The following ACTN4 variants were observed in gnomAD, a reference collection of about 807,000 sequenced individuals.
The protein encoded by ACTN4 is alpha-actinin-4.
In ACTN4, 18 loss-of-function variants were observed where a neutral mutation model predicts 114.2. That is an observed-to-expected ratio of 0.16 (90% CI 0.11 to 0.23). ACTN4 has a LOEUF of 0.23. ACTN4 is among the 10% of genes least tolerant of loss of function. ACTN4 has a pLI of 1.00. For missense variants in ACTN4, 722 were observed against 1,262.9 expected (o/e 0.57, Z 6.49); for synonymous variants, 515 against 506.3 (o/e 1.02, Z -0.23).
chr19:38,706,232 GC>G, intron 5 of ACTN4, 101 bp downstream of exon 5: 1 of 1,267,610 alleles, frequency 7.9e-7, no homozygotes, highest in African/African-American at 1.5e-5. Context: ...TCTGTGAGAT[GC>G]CAGCCCTCAG....
intron 17 of ACTN4, 81 bp from the exon 18 acceptor site, chr19:38,726,876 G>A: frequency 6.3e-7 from 1 of 1,594,398 alleles, no homozygotes. Flanking sequence ...CGGGAGGACA[G>A]TTCACAGTCC....
intron 1 of ACTN4, among the ~76,000 whole-genome samples, chr19:38,670,805 C>T (rs898374301): frequency 6.6e-6 from 1 of 151,926 alleles, no homozygotes; most frequent in Non-Finnish European, 1.5e-5. Context: ...TGCTTGTAAT[C>T]CCAGCTACTC....
Position 38,730,855 on chromosome 19 carries a change from G to C in ACTN4, c.*1423G>C. 6.4e-7 allele frequency: 1 copy of C among 1,551,188 alleles called. No homozygotes were observed. Among genetic ancestry groups the C allele is most frequent in the Non-Finnish European group, 8.7e-7 (1 of 1,147,318 alleles). On this transcript the variant is annotated 3_prime_UTR_variant, in exon 21 of 21. Transcript: ENST00000252699. ...CAGGTGCGCCCATCCGGAGATCCTA[G>C]GAGAAGGTGGCCACCTCCATCCACT...
At chr19:38,650,072 G>C (rs553922994) in intron 1 of ACTN4, among the ~76,000 whole-genome samples, 1 of 152,304 alleles carries the variant, frequency 6.6e-6, no homozygotes, top group East Asian at 1.9e-4. Context: ...AGGTTGCCAA[G>C]AGACCTGGAA....
At chr19:38,696,604 A>G (rs988935008) in intron 1 of ACTN4, among the ~76,000 whole-genome samples, 2 of 152,232 alleles carry the variant, frequency 1.3e-5, no homozygotes, top group African/African-American at 4.8e-5. Flanking sequence ...AGTGGCCGTC[A>G]TGGTCGACCT....
At chr19:38,714,060 C>T (rs1193710459) in intron 8 of ACTN4, among the ~76,000 whole-genome samples, 2 of 152,212 alleles carry the variant, frequency 1.3e-5, no homozygotes, top group Admixed American at 1.3e-4. Context: ...ACCCGGGCGC[C>T]CCTGCTCTGT....
Position 38,705,801 on chromosome 19 carries a change from C to T in ACTN4, c.485-243C>T, listed in dbSNP as rs150373959. On this transcript the variant is annotated intron_variant, in intron 4 of 20. Transcript: ENST00000252699. Reference sequence around the variant, plus strand: ...GGGGCAGCCCTGGTCAAGCGACTCTCCTCGGGGCCGTGAGGATTAAGCAGG... The same window carrying T: ...GGGGCAGCCCTGGTCAAGCGACTCTTCTCGGGGCCGTGAGGATTAAGCAGG... 4.1e-3 allele frequency among the ~76,000 whole-genome samples: 618 copies of T among 152,316 alleles called. 8 individuals are homozygous for T. The East Asian group carries it at 0.058, about 14-fold the overall frequency.
Position 38,727,828 on chromosome 19 carries a change from C to T in ACTN4, c.2338-118C>T, listed in dbSNP as rs560479699. 1.2e-5 allele frequency: 11 copies of T among 954,842 alleles called. No homozygotes were observed. In the East Asian group the frequency reaches 1.8e-4, roughly 16 times the overall value. 59.1% of individuals were successfully genotyped at this position (954,842 alleles called of 1,614,324 possible). A position where few individuals can be genotyped will look rare whatever the true frequency, so the allele number is the denominator to read the frequency against. ...ATCTCCTTGTCCATGTTGCCTCTAA[C>T]TCTGTGTTTCCCTCCCCTACGTGTC... On this transcript the variant is annotated intron_variant, in intron 18 of 20. Transcript: ENST00000252699. This position sits in a 1 kb window ranked among gnomAD's most constrained non-coding sequence, Gnocchi z 5.4.
chr19:38,685,404 T>G (rs1317478000), intron 1 of ACTN4, among the ~76,000 whole-genome samples: 1 of 152,060 alleles, frequency 6.6e-6, no homozygotes, highest in Non-Finnish European at 1.5e-5. Flanking sequence ...TGGAGTCACC[T>G]CCCAGATGGA....
At chr19:38,699,427 C>G (rs2144987155) in intron 1 of ACTN4, among the ~76,000 whole-genome samples, 1 of 152,330 alleles carries the variant, frequency 6.6e-6, no homozygotes, top group Admixed American at 6.5e-5. Flanking sequence ...CACTTGCCTT[C>G]CAGCCTCCTC....
rs869292397 is a variant in ACTN4, at chr19:38,729,309, G to GC, written c.2619dup (p.Asp874ArgfsTer17). 2.5e-6 allele frequency: 4 copies of GC among 1,612,842 alleles called. No homozygotes were observed. The highest frequency in any genetic ancestry group is 2.5e-6 in the Non-Finnish European group (3 of 1,179,978). On this transcript the variant is annotated frameshift_variant, in exon 21 of 21. Coordinates refer to ENST00000252699, the MANE Select transcript of ACTN4 (RefSeq NM_004924.6). LOFTEE classifies it high-confidence loss of function. ...CAGCTGAGGAGCTGCGGAGAGAGCT[G>GC]CCCCCCGACCAGGCCGAGTACTGCA... is the stretch of plus-strand genomic sequence containing the variant.
chr19:38,696,895 T>G (rs938276702), intron 1 of ACTN4, among the ~76,000 whole-genome samples: 4 of 152,130 alleles, frequency 2.6e-5, no homozygotes, highest in Non-Finnish European at 4.4e-5. Flanking sequence ...GAAGACAGAG[T>G]ACACGGAAGA....
intron 1 of ACTN4, among the ~76,000 whole-genome samples, chr19:38,688,341 G>T (rs2144947309): frequency 7.3e-6 from 1 of 136,568 alleles, no homozygotes; most frequent in Middle Eastern, 4.2e-3. Flanking sequence ...CTGAGGTCAG[G>T]AGTTTGAGAC....
intron 1 of ACTN4, among the ~76,000 whole-genome samples, chr19:38,659,836 T>A (rs933007093): frequency 1.3e-5 from 2 of 151,984 alleles, no homozygotes; most frequent in Non-Finnish European, 2.9e-5. Flanking sequence ...TTGGGGAGTG[T>A]GCCCCCTTAT....
rs1336248451 is a variant in ACTN4 at position 38,731,089 on chromosome 19, TGCC to T, written c.*1659_*1661del. On this transcript the variant is annotated 3_prime_UTR_variant, in exon 21 of 21. Transcript: ENST00000252699. ...TACCCCTTCCCCCCATGCCCCACCA[TGCC>T]GGGGTGGTACTCACAGAAGATGCAG... is the stretch of plus-strand genomic sequence containing the variant. 2.0e-6 allele frequency: 3 copies of T among 1,522,540 alleles called. No homozygotes were observed. Among genetic ancestry groups the T allele is most frequent in the Non-Finnish European group, 2.7e-6 (3 of 1,108,040 alleles). The allele number at this position is 1,522,540 out of a possible 1,614,324, so 94.3% of individuals were successfully genotyped here.
chr19:38,681,741 C>A (rs904251162), intron 1 of ACTN4, among the ~76,000 whole-genome samples: 1 of 152,206 alleles, frequency 6.6e-6, no homozygotes, highest in Admixed American at 6.5e-5. Flanking sequence ...TCCCCCAGAC[C>A]CTTGGTTGTG....
At chr19:38,682,473 C>T (rs968007108) in intron 1 of ACTN4, among the ~76,000 whole-genome samples, 2 of 152,156 alleles carry the variant, frequency 1.3e-5, no homozygotes, top group African/African-American at 2.4e-5. Flanking sequence ...TGTGAGCCAC[C>T]ATACCTGGCC....
intron 11 of ACTN4, among the ~76,000 whole-genome samples, chr19:38,719,177 G>A (rs1001079653): frequency 6.6e-6 from 1 of 152,176 alleles, no homozygotes; most frequent in Non-Finnish European, 1.5e-5. Flanking sequence ...GATCCCAGGG[G>A]TCTGGAAGCC....
At position 38,647,881 on chromosome 19, in the gene ACTN4, C is replaced by A; in HGVS notation, c.136C>A (p.Pro46Thr). The A allele has an allele frequency of 6.6e-7, 1 of 1,524,894 alleles. No individual in the cohort carries two copies. The allele number at this position is 1,524,894 out of a possible 1,614,324, so 94.5% of individuals were successfully genotyped here. Residue 46 changes from proline to threonine, a missense_variant, in exon 1 of 21, where the codon CCG becomes ACG. Around this residue, in one of 3 missense-constraint regions of ACTN4, gnomAD observed 72 missense variants for 75.6 expected, o/e 0.95. Coordinates refer to ENST00000252699, the MANE Select transcript of ACTN4 (RefSeq NM_004924.6). ...DDWDRDLLLD[P>T]AWEKQQRKTF... is the part of the protein sequence containing the mutation. ...CTGGGACCGGGACCTGCTGCTGGAC[C>A]CGGCCTGGGAGAAGCAGCAGCGCAA... is the stretch of plus-strand genomic sequence containing the variant.
Sources: gnomAD v4.1 joint callset for allele counts (sites outside exome capture counted in the v4.1 genomes callset) on GRCh38, gnomAD v4.1.1 for gene constraint, gnomAD v4.1.1 regional missense constraint, Gnocchi (gnomAD v3.1) non-coding constraint, MANE v1.5 for transcripts, NCBI Gene and HGNC (gene_info 2026-07-23, HGNC 2026-07-21) for gene names.